CHODL: variants seen among roughly 807,000 people sequenced by gnomAD.
CHODL encodes transmembrane protein MT75.
CHODL carries 29 observed loss-of-function variants against 34.5 expected under a neutral mutation model. The ratio of observed to expected loss-of-function variants is 0.84; its 90% CI spans 0.63 to 1.15. The LOEUF (loss-of-function observed/expected upper bound fraction) is 1.15. CHODL is among the 50% of genes most tolerant of loss of function. The pLI, the probability that CHODL is intolerant of heterozygous loss-of-function variation, is 0.00. For synonymous variants in CHODL, 125 were observed against 116.1 expected, an observed-to-expected ratio of 1.08 and a Z score of -0.49; for missense variants, 332 against 332.5, an observed-to-expected ratio of 1.00 and a Z score of 0.01.
intron 1 of CHODL, among the ~76,000 whole-genome samples, chr21:17,943,419 AAT>A (rs1272279949): frequency 1.3e-5 from 2 of 152,188 alleles, no homozygotes; most frequent in Non-Finnish European, 2.9e-5. Flanking sequence ...TAACTCTTTT[AAT>A]ATATATCTTC....
In CHODL at chr21:17,957,158, A is replaced by C. The variant is rs141458701; in HGVS notation, c.-145+39758A>C. ...CTTATTCACTAACTCTATCTAATCA[A>C]TCATTATGCTTTATCAACTGTGCCT... On this transcript the variant is annotated intron_variant, in intron 1 of 6. Coordinates refer to the CHODL transcript ENST00000400127. Among the ~76,000 whole-genome samples the C allele has an allele frequency of 2.0e-5, 3 of 152,240 alleles. No homozygotes were observed. In the East Asian group the frequency reaches 5.8e-4, roughly 29 times the overall value.
At chr21:18,251,698 A>ATTTATTTTAATATATAAAATAAATAT (rs1421310330) in intron 1 of CHODL, among the ~76,000 whole-genome samples, 6 of 107,562 alleles carry the variant, frequency 5.6e-5, no homozygotes, top group Admixed American at 2.0e-4. Flanking sequence ...TAAATATTTT[A>ATTTATTTTAATATATAAAATAAATAT]TTTATTTATT....
intron 2 of CHODL, among the ~76,000 whole-genome samples, chr21:18,101,107 G>A (rs559154515): frequency 1.3e-5 from 2 of 152,208 alleles, no homozygotes; most frequent in South Asian, 4.2e-4. Flanking sequence ...TTGAATAATG[G>A]GGGTGGGTCT....
chr21:18,030,912 C>G (rs1255677204), intron 2 of CHODL, among the ~76,000 whole-genome samples: 1 of 152,030 alleles, frequency 6.6e-6, no homozygotes, highest in Non-Finnish European at 1.5e-5. Flanking sequence ...TAATATTGGG[C>G]AGATCAGAGG....
At chr21:17,949,326 T>C (rs2063437494) in intron 1 of CHODL, among the ~76,000 whole-genome samples, 1 of 152,208 alleles carries the variant, frequency 6.6e-6, no homozygotes, top group African/African-American at 2.4e-5. Context: ...AAATGCAAGC[T>C]AATTATGTCA....
intron 5 of CHODL, among the ~76,000 whole-genome samples, chr21:18,263,202 G>T (rs1471155840): frequency 6.6e-6 from 1 of 152,066 alleles, no homozygotes; most frequent in Non-Finnish European, 1.5e-5. Flanking sequence ...TTGGATGTTT[G>T]TAAACTTCCA....
chr21:18,182,069 T>G (rs976210651), intron 2 of CHODL, among the ~76,000 whole-genome samples: 9 of 152,176 alleles, frequency 5.9e-5, no homozygotes, highest in Admixed American at 3.3e-4. Context: ...TTTCAATCCT[T>G]TTGAGCCTAT....
At chr21:18,077,007 T>G (rs2064874577) in intron 2 of CHODL, among the ~76,000 whole-genome samples, 1 of 152,194 alleles carries the variant, frequency 6.6e-6, no homozygotes, top group Non-Finnish European at 1.5e-5. Context: ...GCCTATTTAC[T>G]GACCTGAAAA....
intron 2 of CHODL, among the ~76,000 whole-genome samples, chr21:18,098,380 C>T (rs1219721229): frequency 2.6e-5 from 4 of 151,598 alleles, no homozygotes; most frequent in Non-Finnish European, 5.9e-5. Flanking sequence ...AATAATAATT[C>T]AATTAAAAAT....
At chr21:18,034,590 A>G (rs573862167) in intron 2 of CHODL, 1 of 152,178 alleles carries the variant, frequency 6.6e-6, no homozygotes, top group South Asian at 2.1e-4. Flanking sequence ...ATATATTTGT[A>G]TTAGCGTGGA....
At chr21:17,969,754 C>A (rs374899728) in intron 1 of CHODL, among the ~76,000 whole-genome samples, 21 of 152,212 alleles carry the variant, frequency 1.4e-4, no homozygotes, top group African/African-American at 5.1e-4. Flanking sequence ...TAAGAGAGTA[C>A]TTTGAGGCAT....
chr21:18,026,443 AAGCTTG>A, intron 1 of CHODL, among the ~76,000 whole-genome samples: 1 of 1,448 alleles, frequency 6.9e-4, no homozygotes, highest in South Asian at 0.014. Context: ...GGGGTTCGAC[AAGCTTG>A]GATCACTTTA....
intron 2 of CHODL, among the ~76,000 whole-genome samples, chr21:18,028,694 C>A (rs991573762): frequency 1.0e-4 from 13 of 124,686 alleles, no homozygotes; most frequent in African/African-American, 3.9e-4. Context: ...AGCAAAACTC[C>A]ATCTAAAAAA....
At chr21:17,959,841 G>A (rs943166968) in intron 1 of CHODL, among the ~76,000 whole-genome samples, 6 of 152,078 alleles carry the variant, frequency 3.9e-5, no homozygotes, top group Non-Finnish European at 5.9e-5. Context: ...GTGATTCAAT[G>A]TTCTAACAAA....
At chr21:17,980,871 G>A (rs1201299884) in intron 1 of CHODL, among the ~76,000 whole-genome samples, 2 of 152,172 alleles carry the variant, frequency 1.3e-5, no homozygotes, top group African/African-American at 4.8e-5. Context: ...TCTTCACTTT[G>A]AAAAAGATGA....
intron 1 of CHODL, among the ~76,000 whole-genome samples, chr21:17,970,502 T>C (rs2063606163): frequency 6.6e-6 from 1 of 152,202 alleles, no homozygotes; most frequent in Non-Finnish European, 1.5e-5. Flanking sequence ...TTTTCTAGAA[T>C]ATTACTCCAC....
In CHODL at chr21:18,231,512, C is replaced by A; in HGVS notation, c.-44-24997C>A. 1.3e-5 allele frequency among the ~76,000 whole-genome samples: 2 copies of A among 151,024 alleles called. 1 individual carries two copies. Among genetic ancestry groups the A allele is most frequent in the Admixed American group, 1.3e-4 (2 of 15,160 alleles). ...GGGGCTAGACAGAGCATTGAACTGG[C>A]CATTCAAATATCCAGGTTGTAGTTC... On this transcript the variant is annotated intron_variant, in intron 2 of 6. Transcript: ENST00000400127.
chr21:18,093,205 A>G (rs760120514), intron 2 of CHODL, among the ~76,000 whole-genome samples: 18 of 152,304 alleles, frequency 1.2e-4, no homozygotes, highest in Middle Eastern at 6.8e-3. Flanking sequence ...TATGAAAGAA[A>G]AAACACTCTT....
At chr21:17,952,270 G>A (rs1274566228) in intron 1 of CHODL, among the ~76,000 whole-genome samples, 1 of 148,752 alleles carries the variant, frequency 6.7e-6, no homozygotes, top group African/African-American at 2.5e-5. Flanking sequence ...TAATTACAAG[G>A]AAAACTATTT....
Sources: gnomAD v4.1 joint callset for allele counts (sites outside exome capture counted in the v4.1 genomes callset) on GRCh38, gnomAD v4.1.1 for gene constraint, MANE v1.5 for transcripts, NCBI Gene and HGNC (gene_info 2026-07-23, HGNC 2026-07-21) for gene names.